The following DPP6 variants were observed in gnomAD, a reference collection of about 807,000 sequenced individuals.
The protein encoded by DPP6 is A-type potassium channel modulatory protein DPP6.
A neutral mutation model predicts 122.6 loss-of-function variants in DPP6; 69 were observed. That is an observed-to-expected ratio of 0.56 (90% CI 0.46 to 0.69). The LOEUF (loss-of-function observed/expected upper bound fraction) is 0.69. DPP6 is among the 30% of genes least tolerant of loss of function. The probability of loss-of-function intolerance (pLI) is 0.00; values close to 1 mark genes in which losing one functional copy is unlikely to be tolerated. For synonymous variants in DPP6, 418 were observed against 433.1 expected, an observed-to-expected ratio of 0.97 and a Z score of 0.43; for missense variants, 928 against 1,116.9, an observed-to-expected ratio of 0.83 and a Z score of 2.41.
the DPP6 span, among the ~76,000 whole-genome samples, chr7:153,833,229 C>T: frequency 6.6e-6 from 1 of 152,210 alleles, no homozygotes; most frequent in African/African-American, 2.4e-5. Flanking sequence ...GTTGTGGATG[C>T]AACTAATCTC....
chr7:154,157,980 T>C (rs987348681), intron 1 of DPP6, among the ~76,000 whole-genome samples: 1 of 148,290 alleles, frequency 6.7e-6, no homozygotes, highest in Non-Finnish European at 1.5e-5. Flanking sequence ...TGTATATAAA[T>C]ATATATACAT....
intron 1 of DPP6, among the ~76,000 whole-genome samples, chr7:154,396,877 G>A (rs975116033): frequency 4.6e-5 from 7 of 152,188 alleles, no homozygotes; most frequent in Admixed American, 2.0e-4. Flanking sequence ...CCTAGGAGGC[G>A]GAGGTTGCAG....
intron 11 of DPP6, among the ~76,000 whole-genome samples, chr7:154,795,076 T>C (rs1265893404): frequency 1.3e-5 from 2 of 152,046 alleles, no homozygotes; most frequent in African/African-American, 4.8e-5. Flanking sequence ...TCCAGGCTAT[T>C]CTGATGAGCT....
At chr7:154,331,887 A>G (rs1270387473) in intron 1 of DPP6, among the ~76,000 whole-genome samples, 2 of 152,174 alleles carry the variant, frequency 1.3e-5, no homozygotes, top group African/African-American at 4.8e-5. Flanking sequence ...TTCTCTTCTT[A>G]TGGTGCACAT....
At chr7:153,914,352 T>C (rs1260192784) in intron 1 of DPP6, among the ~76,000 whole-genome samples, 1 of 152,180 alleles carries the variant, frequency 6.6e-6, no homozygotes, top group Non-Finnish European at 1.5e-5. Context: ...TTCAGTAGCA[T>C]GAGAACAGAC....
chr7:153,890,010 CTAA>C (rs1799118589), intron 1 of DPP6, among the ~76,000 whole-genome samples: 1 of 152,204 alleles, frequency 6.6e-6, no homozygotes. Context: ...AAGACTCTTG[CTAA>C]TCACAGCCTC....
chr7:153,980,550 G>C (rs1461513829), intron 1 of DPP6, among the ~76,000 whole-genome samples: 1 of 152,014 alleles, frequency 6.6e-6, no homozygotes, highest in Non-Finnish European at 1.5e-5. Context: ...ATCTCCTTCA[G>C]TTCTGCTCTG....
chr7:154,260,229 G>C (rs1453688593), intron 1 of DPP6, among the ~76,000 whole-genome samples: 1 of 152,180 alleles, frequency 6.6e-6, no homozygotes, highest in African/African-American at 2.4e-5. Flanking sequence ...TTTATCCTCA[G>C]TTCCGTGGAA....
At chr7:154,543,792 G>A (rs986843106) in intron 4 of DPP6, among the ~76,000 whole-genome samples, 5 of 151,902 alleles carry the variant, frequency 3.3e-5, no homozygotes, top group South Asian at 2.1e-4. Context: ...TCAGGAGTTC[G>A]AGACCAGCAT....
At chr7:154,475,949 G>A (rs2151351723) in intron 3 of DPP6, 1 of 152,326 alleles carries the variant, frequency 6.6e-6, no homozygotes, top group East Asian at 1.9e-4. Flanking sequence ...TGCGAGCTGT[G>A]GCTAGCAGCC....
At chr7:154,575,112 TGTGTGTGTGTG>T (rs1467087605) in intron 5 of DPP6, among the ~76,000 whole-genome samples, 2 of 110,976 alleles carry the variant, frequency 1.8e-5, no homozygotes, top group East Asian at 3.0e-4. Context: ...GTATGCTGTT[TGTGTGTGTGTG>T]GTGTGTGTGT....
chr7:154,686,640 A>T (rs1184234909), intron 7 of DPP6, among the ~76,000 whole-genome samples: 1 of 152,074 alleles, frequency 6.6e-6, no homozygotes, highest in Admixed American at 6.5e-5. Flanking sequence ...CCTCCTGGAG[A>T]GGGTGGGTCA....
At chr7:153,764,996 T>C in the DPP6 span, among the ~76,000 whole-genome samples, 1 of 152,214 alleles carries the variant, frequency 6.6e-6, no homozygotes, top group African/African-American at 2.4e-5. Context: ...CCTTCTCCTT[T>C]GGCTTGTGCT....
the DPP6 span, among the ~76,000 whole-genome samples, chr7:153,832,440 A>G: frequency 2.6e-5 from 4 of 152,208 alleles, no homozygotes; most frequent in African/African-American, 9.7e-5. Flanking sequence ...ATACTGTTGA[A>G]CTGAGTCTGA....
chr7:154,628,795 G>A (rs1280119768), intron 5 of DPP6, among the ~76,000 whole-genome samples: 7 of 152,084 alleles, frequency 4.6e-5, no homozygotes, highest in South Asian at 2.1e-4. Flanking sequence ...CTGCTACATC[G>A]TGCAGGACCA....
At chr7:154,322,131 C>A (rs1315319306) in intron 1 of DPP6, among the ~76,000 whole-genome samples, 1 of 151,602 alleles carries the variant, frequency 6.6e-6, no homozygotes, top group African/African-American at 2.4e-5. Flanking sequence ...TGGAAAGGCC[C>A]ACGGAAGGAC....
chr7:154,678,228 G>A (rs1276990776), intron 7 of DPP6, among the ~76,000 whole-genome samples: 4 of 152,204 alleles, frequency 2.6e-5, no homozygotes, highest in African/African-American at 7.2e-5. Context: ...GCTGGCCACC[G>A]CCGCCCAACA....
chr7:154,647,540 C>G (rs561849318), intron 6 of DPP6, among the ~76,000 whole-genome samples: 1 of 152,238 alleles, frequency 6.6e-6, no homozygotes, highest in South Asian at 2.1e-4. Context: ...CGGGGTCTGT[C>G]CACATCAAGG....
rs1419929962 is a variant in DPP6 at position 154,575,492 on chromosome 7, GTGTT to G, written c.627+8580_627+8583del. 1.4e-3 allele frequency among the ~76,000 whole-genome samples: 115 copies of G among 82,160 alleles called. 1 individual carries two copies. The highest frequency in any genetic ancestry group is 5.0e-3 in the African/African-American group (96 of 19,222). The allele number at this position is 82,160 out of a possible 152,430, so 53.9% of individuals were successfully genotyped here. ...TATGTGTGTGGTGTGTGTGTGGTGT[GTGTT>G]TGTGTGGTGTGTGTGTGGTGTGTGT... On this transcript the variant is annotated intron_variant, in intron 5 of 25. Transcript: ENST00000377770.
Sources: allele counts gnomAD v4.1 joint callset (sites outside exome capture counted in the v4.1 genomes callset), GRCh38; gene constraint gnomAD v4.1.1; transcripts MANE v1.5; gene names NCBI Gene and HGNC (gene_info 2026-07-23, HGNC 2026-07-21).